The following CP variants were observed in gnomAD, a reference collection of about 807,000 sequenced individuals.
The protein encoded by CP is caeruloplasmin.
A neutral mutation model predicts 122.4 loss-of-function variants in CP; 64 were observed. The ratio of observed to expected loss-of-function variants is 0.52; its 90% CI spans 0.43 to 0.64. The LOEUF (loss-of-function observed/expected upper bound fraction) is 0.64. Ranked by LOEUF, CP falls within the 30% of genes least tolerant of loss-of-function variation. The pLI, the probability that CP is intolerant of heterozygous loss-of-function variation, is 0.00. For synonymous variants in CP, 440 were observed against 436.4 expected, an observed-to-expected ratio of 1.01 and a Z score of -0.10; for missense variants, 1,167 against 1,284.4, an observed-to-expected ratio of 0.91 and a Z score of 1.40.
At chr3:149,190,694 C>T (rs1427962688) in intron 9 of CP, among the ~76,000 whole-genome samples, 2 of 150,520 alleles carry the variant, frequency 1.3e-5, no homozygotes, top group Non-Finnish European at 3.0e-5. Flanking sequence ...GGGGGAACCC[C>T]ATAAACAACA....
chr3:149,208,256 G>A (rs545129499), intron 4 of CP, among the ~76,000 whole-genome samples: 2 of 152,210 alleles, frequency 1.3e-5, no homozygotes, highest in East Asian at 3.9e-4. Flanking sequence ...TGTTCAAACT[G>A]GGTGGCCCTA....
At position 149,182,049 on chromosome 3, in the gene CP, T is replaced by A. The variant is rs754315086; in HGVS notation, c.2510A>T (p.His837Leu). ...MATRPYSIHAHGVQTESSTVT... is the reference protein window; with the variant it reads ...MATRPYSIHALGVQTESSTVT... The stretch of plus-strand genomic sequence containing the variant: ...TGTAGAACTCTCTGTTTGTACCCCA[T>A]GGGCATGTATTGAGTAGGGCCTTGT... Residue 837 changes from histidine to leucine, a missense_variant, in exon 14 of 19, where the codon CAT (histidine) becomes CTT (leucine). Physicochemically the swap from His to Leu is moderately conservative, Grantham distance 99. This residue lies in a region of CP where 525 missense variants were observed against 657.2 expected (regional missense o/e 0.80). Coordinates refer to ENST00000264613, the MANE Select transcript of CP (RefSeq NM_000096.4). The A allele has an allele frequency of 6.6e-7, 1 of 1,517,006 alleles. No homozygotes were observed. The highest frequency in any genetic ancestry group is 8.9e-7 in the Non-Finnish European group (1 of 1,120,624). The allele number at this position is 1,517,006 out of a possible 1,614,324, so 94.0% of individuals were successfully genotyped here.
intron 9 of CP, 116 bp downstream of exon 9, chr3:149,198,251 T>G: frequency 1.3e-6 from 1 of 755,372 alleles, no homozygotes; most frequent in Non-Finnish European, 2.2e-6. Context: ...CCTTATCTTT[T>G]AAAGGTATAT....
chr3:149,215,799 CA>C (rs1363337594), intron 1 of CP, among the ~76,000 whole-genome samples: 1 of 152,152 alleles, frequency 6.6e-6, no homozygotes, highest in Non-Finnish European at 1.5e-5. Flanking sequence ...TTCCTGTTGA[CA>C]ACTGTAGTAT....
Position 149,221,757 on chromosome 3 carries a change from T to C in CP, c.36A>G (p.Leu12=). Residue 12 remains leucine (L), a synonymous_variant, in exon 1 of 19, where the codon TTA becomes TTG. Transcript: ENST00000264613. ...CTTTCGCCCAGGCTGGGGTACTACA[T>C]AAAAACAGAAAAATACCAAGTATCA... ...KILILGIFLF[L]CSTPAWAKEK... is the part of the protein sequence containing the mutation. The C allele has an allele frequency of 1.2e-6, 2 of 1,613,584 alleles. No individual in the cohort carries two copies. The highest frequency in any genetic ancestry group is 1.7e-4 in the Middle Eastern group (1 of 6,058).
intron 18 of CP, among the ~76,000 whole-genome samples, chr3:149,175,158 T>G (rs1225047546): frequency 1.3e-5 from 2 of 152,094 alleles, no homozygotes; most frequent in Non-Finnish European, 2.9e-5. Context: ...TTTGTGTGGT[T>G]TACATGCAAC....
At chr3:149,199,683 T>C (rs1302976533) in intron 8 of CP, 29 bp downstream of exon 8, 1 of 1,613,446 alleles carries the variant, frequency 6.2e-7, no homozygotes, top group South Asian at 1.1e-5. Context: ...TAAACATTGT[T>C]GATTTGTTAC....
intron 18 of CP, among the ~76,000 whole-genome samples, chr3:149,174,563 C>T (rs1340063907): frequency 6.6e-6 from 1 of 152,126 alleles, no homozygotes; most frequent in Non-Finnish European, 1.5e-5. Context: ...TCAAAAGTTT[C>T]TCTTCATTGA....
At chr3:149,213,747 A>T (rs573631059) in intron 1 of CP, among the ~76,000 whole-genome samples, 3 of 151,726 alleles carry the variant, frequency 2.0e-5, no homozygotes, top group Admixed American at 2.0e-4. Context: ...GAGTAATCTG[A>T]CTGAGGAATA....
At position 149,178,044 on chromosome 3, in the gene CP, A is replaced by C. The variant is rs3736520; in HGVS notation, c.2879-65T>G. On this transcript the variant is annotated intron_variant, in intron 16 of 18. Transcript: ENST00000264613. ...TTTTAAACCAATAGCTATTTCAAAG[A>C]AAATATGATTATTAGGTTAATGTAA... The C allele has an allele frequency of 2.7e-3, 3,821 of 1,413,172 alleles. 15 individuals carry two copies. Among genetic ancestry groups the C allele is most frequent in the East Asian group, 0.02 (885 of 43,922 alleles). 87.5% of individuals were successfully genotyped at this position (1,413,172 alleles called of 1,614,324 possible). A position where few individuals can be genotyped will look rare whatever the true frequency, so the allele number is the denominator to read the frequency against.
Position 149,221,805 on chromosome 3 carries a change from C to A in CP, c.-13G>T, listed in dbSNP as rs1287584731. On this transcript the variant is annotated 5_prime_UTR_variant, in exon 1 of 19. Coordinates refer to ENST00000264613, the MANE Select transcript of CP (RefSeq NM_000096.4). ...TCAAAATCTTCATTTTTTTCCCCTT[C>A]TTGGAGCCTGAGAAGAAATGAAGTA... 1.9e-6 allele frequency: 3 copies of A among 1,613,288 alleles called. No homozygotes were observed. The highest frequency in any genetic ancestry group is 1.3e-5 in the African/African-American group (1 of 75,010).
chr3:149,218,171 A>G (rs971917378), intron 1 of CP, among the ~76,000 whole-genome samples: 16 of 152,340 alleles, frequency 1.1e-4, no homozygotes, highest in African/African-American at 3.4e-4. Flanking sequence ...TAATCTGAAG[A>G]TAAGAGAATT....
intron 1 of CP, among the ~76,000 whole-genome samples, chr3:149,215,723 T>C (rs1277472920): frequency 2.0e-5 from 3 of 152,226 alleles, no homozygotes; most frequent in Non-Finnish European, 4.4e-5. Flanking sequence ...GCCAGTTAGA[T>C]ATTCAGCCAC....
chr3:149,183,185 A>C (rs916693398), intron 13 of CP, among the ~76,000 whole-genome samples: 4 of 152,172 alleles, frequency 2.6e-5, no homozygotes, highest in African/African-American at 9.7e-5. Flanking sequence ...GTTTCTGGGA[A>C]CTTCACTAAA....
chr3:149,221,613 T>A lies in CP; in HGVS notation c.146+34A>T, dbSNP rs929229580. The A allele has an allele frequency of 3.8e-6, 6 of 1,587,612 alleles. No homozygotes were observed. The African/African-American group carries it at 6.8e-5, about 18-fold the overall frequency. The stretch of plus-strand genomic sequence containing the variant: ...TCTATCCTTTAAAAATAACTTAAAA[T>A]TTTGGTCTATAAACAATAAAAATAG... On this transcript the variant is annotated intron_variant, in intron 1 of 18. Coordinates refer to ENST00000264613, the MANE Select transcript of CP (RefSeq NM_000096.4).
chr3:149,190,963 G>T (rs1324471918), intron 9 of CP, among the ~76,000 whole-genome samples: 1 of 152,122 alleles, frequency 6.6e-6, no homozygotes, highest in Admixed American at 6.5e-5. Flanking sequence ...CTTAAGTGTT[G>T]TTCTCCCCCA....
rs374104537 is a variant in CP at position 149,188,169 on chromosome 3, T to C, written c.1747A>G (p.Thr583Ala). 3.1e-6 allele frequency: 5 copies of C among 1,612,430 alleles called. No individual in the cohort carries two copies. Among genetic ancestry groups the C allele is most frequent in the Non-Finnish European group, 4.2e-6 (5 of 1,179,386 alleles). ...DVDKEFYLFPTVFDENESLLL... is the reference protein window; with the variant it reads ...DVDKEFYLFPAVFDENESLLL... Reference sequence around the variant, plus strand: ...AAACTCTCATTCTCATCAAATACTGTAGGAAACAAATAGAATTCCTTGTCT... The same window carrying C: ...AAACTCTCATTCTCATCAAATACTGCAGGAAACAAATAGAATTCCTTGTCT... The change falls in exon 10 of 19, where the codon ACA becomes GCA. Residue 583 changes from threonine to alanine, a missense_variant. Thr to Ala is a moderately conservative substitution (Grantham distance 58). Transcript: ENST00000264613.
chr3:149,168,634 G>A (rs1011939143), downstream of CP, among the ~76,000 whole-genome samples: 2 of 152,118 alleles, frequency 1.3e-5, no homozygotes, highest in Admixed American at 1.3e-4. Flanking sequence ...TTTTTAAAAT[G>A]TAAGGCCGAG....
At position 149,201,212 on chromosome 3, in the gene CP, C is replaced by G. The variant is rs542610743; in HGVS notation, c.1348+890G>C. Among the ~76,000 whole-genome samples the G allele has an allele frequency of 1.2e-3, 183 of 152,210 alleles. 1 individual carries two copies. The highest frequency in any genetic ancestry group is 2.2e-3 in the Non-Finnish European group (153 of 68,006). On this transcript the variant is annotated intron_variant, in intron 7 of 18. Coordinates refer to ENST00000264613, the MANE Select transcript of CP (RefSeq NM_000096.4). ...GATCTCAGCTCACTGTAAGCTCCGC[C>G]TCCCGAGTTCACGCCATTCTCCTGC...
Sources: allele counts gnomAD v4.1 joint callset (sites outside exome capture counted in the v4.1 genomes callset), GRCh38; gene constraint gnomAD v4.1.1; regional missense constraint gnomAD v4.1.1; transcripts MANE v1.5; gene names NCBI Gene and HGNC (gene_info 2026-07-23, HGNC 2026-07-21).